CPQ: variants seen among roughly 807,000 people sequenced by gnomAD.
CPQ encodes Ser-Met dipeptidase.
A neutral mutation model predicts 45.7 loss-of-function variants in CPQ; 37 were observed. The ratio of observed to expected loss-of-function variants is 0.81; its 90% confidence interval spans 0.62 to 1.07. The LOEUF is 1.07. Ranked by LOEUF, CPQ falls within the 50% of genes least tolerant of loss-of-function variation. CPQ has a pLI of 0.00. For synonymous variants in CPQ, 186 were observed against 205.8 expected (o/e 0.90, Z 0.82); for missense variants, 537 against 572.9 (o/e 0.94, Z 0.64).
chr8:96,783,739 C>T lies in CPQ; in HGVS notation c.-34-1125C>T, dbSNP rs190816645. 1.2e-3 allele frequency among the ~76,000 whole-genome samples: 187 copies of T among 152,160 alleles called. 1 individual carries two copies. Among genetic ancestry groups the T allele is most frequent in the African/African-American group, 4.0e-3 (168 of 41,500 alleles). ...CTTAATATAATAGCCACTAGCCACA[C>T]GTATCTATTGAGTACTTGAAATGTG... On this transcript the variant is annotated intron_variant, in intron 1 of 7. Transcript: ENST00000220763.
chr8:96,927,562 T>C (rs1390240926), intron 4 of CPQ, among the ~76,000 whole-genome samples: 2 of 152,158 alleles, frequency 1.3e-5, no homozygotes, highest in Non-Finnish European at 2.9e-5. Flanking sequence ...TCACTGGAAA[T>C]GATACCTCCC....
At chr8:97,104,753 G>A (rs1811375281) in intron 7 of CPQ, among the ~76,000 whole-genome samples, 1 of 152,142 alleles carries the variant, frequency 6.6e-6, no homozygotes, top group African/African-American at 2.4e-5. Context: ...CAGGGATCTA[G>A]AATCCCTCAG....
chr8:96,848,436 A>G (rs1402836644), intron 3 of CPQ, among the ~76,000 whole-genome samples: 3 of 152,210 alleles, frequency 2.0e-5, no homozygotes, highest in Non-Finnish European at 2.9e-5. Flanking sequence ...ATTCAGAAAA[A>G]TATCTTGTTT....
chr8:96,660,234 C>T (rs535635086), intron 1 of CPQ, among the ~76,000 whole-genome samples: 1 of 152,274 alleles, frequency 6.6e-6, no homozygotes, highest in South Asian at 2.1e-4. Context: ...CTCTTTTTGG[C>T]TTGCACGTGG....
rs148753629 is a variant in CPQ at position 97,083,466 on chromosome 8, C to T, written c.1255+17256C>T. The stretch of plus-strand genomic sequence containing the variant: ...AGCATACACTATAACCACCCTGCTA[C>T]TATACTGGTTCAGTGTCCTTGTTTA... On this transcript the variant is annotated intron_variant, in intron 7 of 7. Coordinates refer to ENST00000220763, the MANE Select transcript of CPQ (RefSeq NM_016134.4). Among the ~76,000 whole-genome samples, 578 of 152,294 alleles carry T rather than the reference C, an allele frequency of 3.8e-3. 2 individuals carry two copies. Among genetic ancestry groups the T allele is most frequent in the Non-Finnish European group, 6.7e-3 (459 of 68,016 alleles).
At chr8:96,898,652 GCATTGGGAGATATACCTAATGCTAGATGA>G (rs1812473929) in intron 4 of CPQ, among the ~76,000 whole-genome samples, 1 of 149,124 alleles carries the variant, frequency 6.7e-6, no homozygotes, top group African/African-American at 2.5e-5. Flanking sequence ...GGGAGGGATA[GCATTGGGAGATATACCTAATGCTAGATGA>G]CACATTAGTG....
rs1015304782 is a variant in CPQ, at chr8:97,080,924, C to A, written c.1255+14714C>A. 9.2e-5 allele frequency among the ~76,000 whole-genome samples: 14 copies of A among 151,788 alleles called. No individual in the cohort carries two copies. In the Middle Eastern group the frequency reaches 0.01, roughly 111 times the overall value. The stretch of plus-strand genomic sequence containing the variant: ...AGTACCCACCCTTCTTTCCTTCCTT[C>A]CTTCCTTCTTTCCTTCCTTCCTTCC... On this transcript the variant is annotated intron_variant, in intron 7 of 7. Coordinates refer to ENST00000220763, the MANE Select transcript of CPQ (RefSeq NM_016134.4).
chr8:96,849,893 C>G (rs1028221573), intron 3 of CPQ, among the ~76,000 whole-genome samples: 1 of 152,158 alleles, frequency 6.6e-6, no homozygotes, highest in Non-Finnish European at 1.5e-5. Flanking sequence ...TATACATTTG[C>G]TCTACTCTTT....
chr8:96,853,944 C>G (rs912521687), intron 3 of CPQ, among the ~76,000 whole-genome samples: 3 of 152,176 alleles, frequency 2.0e-5, no homozygotes, highest in Non-Finnish European at 4.4e-5. Flanking sequence ...GCCTCTGAGC[C>G]AGCCTAATAG....
intron 5 of CPQ, among the ~76,000 whole-genome samples, chr8:96,999,598 C>T (rs1346079408): frequency 1.3e-5 from 2 of 152,068 alleles, no homozygotes; most frequent in Non-Finnish European, 2.9e-5. Context: ...GCCTAGTATT[C>T]CATGGTGGGT....
At chr8:97,019,550 G>T (rs984412476) in intron 5 of CPQ, among the ~76,000 whole-genome samples, 3 of 152,142 alleles carry the variant, frequency 2.0e-5, no homozygotes, top group East Asian at 3.8e-4. Context: ...CATGCAAATG[G>T]ACATGAAAGT....
intron 4 of CPQ, among the ~76,000 whole-genome samples, chr8:96,887,854 C>G (rs563946513): frequency 8.6e-4 from 131 of 151,984 alleles, no homozygotes; most frequent in Non-Finnish European, 1.6e-3. Context: ...TTTTAACATG[C>G]CTTTTTCTTA....
intron 6 of CPQ, among the ~76,000 whole-genome samples, chr8:97,053,558 G>A (rs762528623): frequency 1.3e-5 from 2 of 152,142 alleles, no homozygotes; most frequent in Non-Finnish European, 2.9e-5. Flanking sequence ...TGACATTCAG[G>A]GGATAGGGAG....
At chr8:96,894,868 G>A (rs1430324762) in intron 4 of CPQ, among the ~76,000 whole-genome samples, 2 of 152,124 alleles carry the variant, frequency 1.3e-5, no homozygotes, top group Non-Finnish European at 2.9e-5. Flanking sequence ...ATTTTCTGCA[G>A]GATTTCACTG....
chr8:97,127,807 C>G (rs1811872720), intron 7 of CPQ, among the ~76,000 whole-genome samples: 1 of 152,200 alleles, frequency 6.6e-6, no homozygotes, highest in South Asian at 2.1e-4. Context: ...ATTCCCAAAT[C>G]ATTATGCTGA....
chr8:96,962,924 A>G (rs1813485516), intron 4 of CPQ, among the ~76,000 whole-genome samples: 1 of 152,230 alleles, frequency 6.6e-6, no homozygotes, highest in South Asian at 2.1e-4. Flanking sequence ...AAAATATACT[A>G]AAACAAGCTC....
intron 5 of CPQ, among the ~76,000 whole-genome samples, chr8:96,973,121 A>T (rs1813709323): frequency 1.3e-5 from 2 of 152,100 alleles, no homozygotes; most frequent in Non-Finnish European, 2.9e-5. Flanking sequence ...GTCCAACTAA[A>T]AGAAATAAAA....
intron 1 of CPQ, among the ~76,000 whole-genome samples, chr8:96,713,727 A>G (rs1190977450): frequency 2.6e-5 from 4 of 152,192 alleles, no homozygotes. Context: ...CAGCCAAACC[A>G]TACCAAGGTC....
chr8:96,911,479 G>T (rs1013663189), intron 4 of CPQ, among the ~76,000 whole-genome samples: 2 of 152,136 alleles, frequency 1.3e-5, no homozygotes, highest in Non-Finnish European at 2.9e-5. Context: ...AGTCCCCTTT[G>T]CACTTTCCCA....
Sources: allele counts gnomAD v4.1 joint callset (sites outside exome capture counted in the v4.1 genomes callset), GRCh38; gene constraint gnomAD v4.1.1; transcripts MANE v1.5; gene names NCBI Gene and HGNC (gene_info 2026-07-23, HGNC 2026-07-21).